Variants in GDPD5 observed in about 807,000 individuals in gnomAD.
GDPD5 encodes glycerophosphodiester phosphodiesterase 2.
GDPD5 carries 48 observed loss-of-function variants against 75.1 expected under a neutral mutation model. The ratio of observed to expected loss-of-function variants is 0.64; its 90% CI spans 0.51 to 0.81. The LOEUF (loss-of-function observed/expected upper bound fraction) is 0.81. Among genes scored for constraint, GDPD5 ranks in the 40% least tolerant of loss-of-function variants. The pLI, the probability that GDPD5 is intolerant of heterozygous loss-of-function variation, is 0.00. For synonymous variants in GDPD5, 336 were observed against 339.0 expected (o/e 0.99, Z 0.10); for missense variants, 706 against 822.6 (o/e 0.86, Z 1.73).
intron 1 of GDPD5, among the ~76,000 whole-genome samples, chr11:75,499,236 T>C (rs1467624407): frequency 6.6e-6 from 1 of 151,990 alleles, no homozygotes; most frequent in African/African-American, 2.4e-5. Context: ...TGAATTGACG[T>C]CTGCCAGGTG....
At chr11:75,502,886 G>A (rs574046692) in intron 1 of GDPD5, among the ~76,000 whole-genome samples, 15 of 152,288 alleles carry the variant, frequency 9.8e-5, no homozygotes, top group African/African-American at 2.2e-4. Context: ...GCAAACCTCC[G>A]GGTGCCCCAG....
At chr11:75,462,959 T>C in intron 3 of GDPD5, 70 bp from the exon 4 acceptor site, 1 of 1,237,948 alleles carries the variant, frequency 8.1e-7, no homozygotes, top group Admixed American at 1.9e-5. Context: ...CCCACCAGAA[T>C]GTGTCCTCCT....
intron 12 of GDPD5, among the ~76,000 whole-genome samples, chr11:75,442,019 C>G (rs960001995): frequency 6.6e-6 from 1 of 152,144 alleles, no homozygotes; most frequent in Non-Finnish European, 1.5e-5. Flanking sequence ...GCTGTCAGTA[C>G]GGGAGGGAAA....
chr11:75,458,698 A>AAAAT (rs1263148768), intron 4 of GDPD5, among the ~76,000 whole-genome samples: 1 of 57,554 alleles, frequency 1.7e-5, no homozygotes, highest in African/African-American at 4.2e-5. Context: ...ATAAATAAAT[A>AAAAT]AAATAAATAA....
chr11:75,495,477 A>G lies in GDPD5; in HGVS notation c.-144-5157T>C, dbSNP rs1440885248. Among the ~76,000 whole-genome samples the G allele has an allele frequency of 2.6e-5, 4 of 152,110 alleles. No individual in the cohort carries two copies. In the East Asian group the frequency reaches 7.7e-4, roughly 29 times the overall value. On this transcript the variant is annotated intron_variant, in intron 1 of 16. Coordinates refer to ENST00000336898, the MANE Select transcript of GDPD5 (RefSeq NM_030792.8). ...GTCAGACTCTGTCTCAAAAAAAGAA[A>G]AAAAAGAATTGTTAAGTCTTATTAT...
intron 1 of GDPD5, among the ~76,000 whole-genome samples, chr11:75,493,411 G>A (rs917479102): frequency 1.3e-5 from 2 of 151,648 alleles, no homozygotes; most frequent in Admixed American, 1.3e-4. Flanking sequence ...CATGCGTTGT[G>A]GACTGGGTCT....
chr11:75,476,367 G>GAGAGAGAGAGAGA (rs1949778449), intron 3 of GDPD5, among the ~76,000 whole-genome samples: 6 of 151,458 alleles, frequency 4.0e-5, no homozygotes, highest in African/African-American at 1.5e-4. Context: ...AACTTGAGAG[G>GAGAGAGAGAGAGA]GGTGTGTCTC....
chr11:75,441,546 G>A (rs1283869379), intron 13 of GDPD5, 100 bp downstream of exon 13: 14 of 388,542 alleles, frequency 3.6e-5, no homozygotes, highest in African/African-American at 7.4e-5. Context: ...GCCCGACCGT[G>A]TGTGTGTGTG....
At chr11:75,449,461 G>T in intron 8 of GDPD5, 56 bp downstream of exon 8, 1 of 1,492,240 alleles carries the variant, frequency 6.7e-7, no homozygotes, top group Non-Finnish European at 9.1e-7. Context: ...GGCAGCACCA[G>T]CTGGTCTTGG....
At chr11:75,456,617 A>C in intron 6 of GDPD5, 140 bp downstream of exon 6, 1 of 744,096 alleles carries the variant, frequency 1.3e-6, no homozygotes, top group South Asian at 1.7e-5. Context: ...TGCTTGGCGC[A>C]TAGTGAGTGC....
rs751457952 is a variant in GDPD5, at chr11:75,462,826, A to G, written c.181T>C (p.Phe61Leu). The G allele has an allele frequency of 2.8e-5, 45 of 1,614,032 alleles. No homozygotes were observed. The highest frequency in any genetic ancestry group is 3.8e-5 in the Non-Finnish European group (45 of 1,180,006). The change falls in exon 4 of 17, where the codon TTC becomes CTC. Residue 61 changes from phenylalanine (F) to leucine (L), a missense_variant. Transcript: ENST00000336898. ...TFGLTLTWLY[F>L]WWEVHNDYDE... Reference sequence around the variant, plus strand: ...TAGTCATTGTGGACTTCCCACCAGAAGTAAAGCCAGGTGAGCGTGAGGCCA... The same window carrying G: ...TAGTCATTGTGGACTTCCCACCAGAGGTAAAGCCAGGTGAGCGTGAGGCCA...
intron 2 of GDPD5, among the ~76,000 whole-genome samples, chr11:75,488,710 C>T (rs1024871213): frequency 2.0e-5 from 3 of 152,160 alleles, no homozygotes; most frequent in Non-Finnish European, 4.4e-5. Flanking sequence ...TGGGCTGATT[C>T]CCCCCAACAA....
At chr11:75,470,584 G>A (rs1949639503) in intron 3 of GDPD5, among the ~76,000 whole-genome samples, 1 of 152,088 alleles carries the variant, frequency 6.6e-6, no homozygotes, top group African/African-American at 2.4e-5. Flanking sequence ...GCGGAGAGAG[G>A]TTTAAAAGCC....
intron 9 of GDPD5, among the ~76,000 whole-genome samples, chr11:75,445,532 G>A (rs1231371516): frequency 2.0e-5 from 3 of 152,196 alleles, no homozygotes; most frequent in East Asian, 1.9e-4. Context: ...AGGATTGGGC[G>A]AAGACCAGGT....
chr11:75,444,542 T>G, intron 9 of GDPD5, 47 bp from the exon 10 acceptor site: 3 of 1,348,746 alleles, frequency 2.2e-6, no homozygotes, highest in Non-Finnish European at 2.1e-6. Context: ...TCAGCTGATG[T>G]ACCCTCCCCA....
chr11:75,521,833 TG>T (rs1264748065), intron 1 of GDPD5, among the ~76,000 whole-genome samples: 5 of 151,856 alleles, frequency 3.3e-5, no homozygotes, highest in Non-Finnish European at 5.9e-5. Flanking sequence ...GGGCCACATG[TG>T]GTGTGTTTAG....
chr11:75,469,147 C>A (rs568901166), intron 3 of GDPD5, among the ~76,000 whole-genome samples: 20 of 152,336 alleles, frequency 1.3e-4, no homozygotes, highest in African/African-American at 4.8e-4. Context: ...AGGGCGGGTG[C>A]CATGGTCAGC....
intron 3 of GDPD5, among the ~76,000 whole-genome samples, chr11:75,467,852 A>C (rs536545276): frequency 2.0e-5 from 3 of 152,136 alleles, no homozygotes; most frequent in Non-Finnish European, 4.4e-5. Context: ...ATTGTGGGTC[A>C]ATTTCCCTGA....
At chr11:75,513,108 G>A (rs1950563160) in intron 1 of GDPD5, among the ~76,000 whole-genome samples, 1 of 152,198 alleles carries the variant, frequency 6.6e-6, no homozygotes, top group African/African-American at 2.4e-5. Context: ...GTCACTTGAG[G>A]ATGGAGAGGG....
Sources: gnomAD v4.1 joint callset for allele counts (sites outside exome capture counted in the v4.1 genomes callset) on GRCh38, gnomAD v4.1.1 for gene constraint, MANE v1.5 for transcripts, NCBI Gene and HGNC (gene_info 2026-07-23, HGNC 2026-07-21) for gene names.